Variants in SWAP70 observed in about 807,000 individuals in gnomAD.
SWAP70 encodes the protein switching B cell complex subunit SWAP70, also known as switch-associated protein 70.
In SWAP70, 34 loss-of-function variants were observed where a neutral mutation model predicts 80.2. That is an observed-to-expected ratio of 0.42 (90% CI 0.32 to 0.56). SWAP70 has a LOEUF of 0.56. Among genes scored for constraint, SWAP70 ranks in the 20% least tolerant of loss-of-function variants. The probability of loss-of-function intolerance (pLI) is 0.09; values close to 1 mark genes in which losing one functional copy is unlikely to be tolerated. For synonymous variants in SWAP70, 239 were observed against 238.5 expected, an observed-to-expected ratio of 1.00 and a Z score of -0.02; for missense variants, 578 against 690.7, an observed-to-expected ratio of 0.84 and a Z score of 1.83.
intron 1 of SWAP70, among the ~76,000 whole-genome samples, chr11:9,686,392 G>T (rs756358620): frequency 1.4e-5 from 1 of 69,054 alleles, no homozygotes; most frequent in African/African-American, 4.4e-5. Context: ...ACAGGTTCTC[G>T]CTCAGTTGCC....
At chr11:9,682,058 G>A (rs1190192895) in intron 1 of SWAP70, among the ~76,000 whole-genome samples, 8 of 152,162 alleles carry the variant, frequency 5.3e-5, no homozygotes, top group African/African-American at 1.9e-4. Context: ...TTGAGGTTTA[G>A]CCTTCTAACT....
intron 2 of SWAP70, among the ~76,000 whole-genome samples, chr11:9,711,334 C>T (rs1181108952): frequency 6.6e-6 from 1 of 152,156 alleles, no homozygotes; most frequent in African/African-American, 2.4e-5. Context: ...GATCAGTCTT[C>T]ACCTACCTCA....
intron 1 of SWAP70, among the ~76,000 whole-genome samples, chr11:9,685,581 C>T (rs928049468): frequency 2.0e-5 from 3 of 149,670 alleles, no homozygotes; most frequent in African/African-American, 7.3e-5. Context: ...GGTCATTGAT[C>T]CCATTTGCGA....
At position 9,695,890 on chromosome 11, in the gene SWAP70, G is replaced by A. The variant is rs139669927; in HGVS notation, c.240+1604G>A. 8.3e-3 allele frequency among the ~76,000 whole-genome samples: 1,268 copies of A among 151,920 alleles called. 23 individuals are homozygous for A. Among genetic ancestry groups the A allele is most frequent in the African/African-American group, 0.028 (1,156 of 41,418 alleles). On this transcript the variant is annotated intron_variant, in intron 2 of 11. Coordinates refer to ENST00000318950, the MANE Select transcript of SWAP70 (RefSeq NM_015055.4). ...GCTCACTGTAGCCTCTGACCTCCTC[G>A]GGCTCAGGTGACCCTCCTACCTCAG...
chr11:9,725,034 C>G, intron 4 of SWAP70, 149 bp downstream of exon 4: 1 of 626,696 alleles, frequency 1.6e-6, no homozygotes, highest in South Asian at 2.1e-5. Flanking sequence ...CAGTCTTGCT[C>G]TGTCGCCCAG....
intron 2 of SWAP70, among the ~76,000 whole-genome samples, chr11:9,707,558 T>C (rs868697298): frequency 4.2e-4 from 27 of 63,984 alleles, no homozygotes; most frequent in African/African-American, 1.5e-3. Flanking sequence ...TTTTCTTTTC[T>C]TTTTTTTTTT....
At chr11:9,744,699 G>T (rs575995587) in intron 9 of SWAP70, among the ~76,000 whole-genome samples, 2 of 152,002 alleles carry the variant, frequency 1.3e-5, no homozygotes, top group Admixed American at 6.5e-5. Context: ...CTTGAGGCTC[G>T]GAGTTTGAGA....
intron 3 of SWAP70, chr11:9,720,576 TGC>T: frequency 4.3e-6 from 3 of 696,916 alleles, no homozygotes; most frequent in Non-Finnish European, 5.3e-6. Context: ...GTAGTCATAC[TGC>T]ACACACATGT....
intron 1 of SWAP70, among the ~76,000 whole-genome samples, chr11:9,671,753 T>TGTAAA (rs1850407734): frequency 3.1e-4 from 1 of 3,268 alleles, no homozygotes; most frequent in African/African-American, 1.5e-3. Context: ...GAAATATAAA[T>TGTAAA]ATATAAATAT....
chr11:9,706,732 C>G (rs1232909610), intron 2 of SWAP70, among the ~76,000 whole-genome samples: 3 of 152,112 alleles, frequency 2.0e-5, no homozygotes, highest in Non-Finnish European at 4.4e-5. Flanking sequence ...TTCTGACTTG[C>G]ATTTTTCACT....
At chr11:9,696,223 G>A (rs1234887529) in intron 2 of SWAP70, among the ~76,000 whole-genome samples, 1 of 152,066 alleles carries the variant, frequency 6.6e-6, no homozygotes, top group Non-Finnish European at 1.5e-5. Context: ...TTAGTGTTTG[G>A]GGCCATGTTC....
chr11:9,666,625 T>C (rs1371167529), intron 1 of SWAP70, among the ~76,000 whole-genome samples: 3 of 152,194 alleles, frequency 2.0e-5, no homozygotes, highest in Non-Finnish European at 4.4e-5. Context: ...TCAGACAATA[T>C]TAAATTTTTT....
At chr11:9,741,943 A>AAAAAAAAAAAAAC (rs1358732276) in intron 9 of SWAP70, 1 of 147,982 alleles carries the variant, frequency 6.8e-6, no homozygotes, top group Non-Finnish European at 1.5e-5. Flanking sequence ...ATCTTTAAAA[A>AAAAAAAAAAAAAC]AAAAAAAAAA....
At chr11:9,720,394 A>G (rs1283137831) in intron 3 of SWAP70, 1 of 985,442 alleles carries the variant, frequency 1.0e-6, no homozygotes, top group Non-Finnish European at 1.2e-6. Context: ...TTTGCTACTA[A>G]TAGGCGCTTT....
At chr11:9,712,259 A>C (rs997124860) in intron 2 of SWAP70, among the ~76,000 whole-genome samples, 1 of 152,200 alleles carries the variant, frequency 6.6e-6, no homozygotes, top group Non-Finnish European at 1.5e-5. Flanking sequence ...AATAATAATT[A>C]TGATCTAAAT....
chr11:9,732,381 A>T, intron 6 of SWAP70, 148 bp from the exon 7 acceptor site: 1 of 798,730 alleles, frequency 1.3e-6, no homozygotes, highest in South Asian at 1.7e-5. Context: ...GCTCAGGGTC[A>T]CACCACTATG....
intron 1 of SWAP70, among the ~76,000 whole-genome samples, chr11:9,673,726 G>T (rs1850449247): frequency 6.6e-6 from 1 of 152,090 alleles, no homozygotes; most frequent in African/African-American, 2.4e-5. Flanking sequence ...GACAAGGAAG[G>T]TCAGAGAATT....
At chr11:9,670,266 G>A (rs766213833) in intron 1 of SWAP70, among the ~76,000 whole-genome samples, 1 of 152,092 alleles carries the variant, frequency 6.6e-6, no homozygotes, top group South Asian at 2.1e-4. Context: ...GGAGGAGGAC[G>A]GGAAAGGACA....
At chr11:9,725,901 T>A (rs1167421269) in intron 4 of SWAP70, among the ~76,000 whole-genome samples, 1 of 83,658 alleles carries the variant, frequency 1.2e-5, no homozygotes, top group Non-Finnish European at 2.8e-5. Flanking sequence ...TGGAAATTCA[T>A]AACCACTGAT....
Sources: allele counts gnomAD v4.1 joint callset (sites outside exome capture counted in the v4.1 genomes callset), GRCh38; gene constraint gnomAD v4.1.1; transcripts MANE v1.5; gene names NCBI Gene and HGNC (gene_info 2026-07-23, HGNC 2026-07-21).